FBXL13: variants seen among roughly 807,000 people sequenced by gnomAD.
FBXL13 encodes the protein F-box and leucine rich repeat protein 13.
In FBXL13, 67 loss-of-function variants were observed where a neutral mutation model predicts 83.6. That is an observed-to-expected ratio of 0.80 (90% confidence interval 0.66 to 0.98). FBXL13 has a LOEUF of 0.98. FBXL13 is among the 50% of genes least tolerant of loss of function. FBXL13 has a pLI of 0.00. For missense variants in FBXL13, 822 were observed against 866.5 expected (o/e 0.95, Z 0.64); for synonymous variants, 272 against 299.5 (o/e 0.91, Z 0.95).
intron 6 of FBXL13, among the ~76,000 whole-genome samples, chr7:103,022,238 C>G (rs947801323): frequency 1.3e-5 from 2 of 151,592 alleles, no homozygotes; most frequent in Non-Finnish European, 2.9e-5. Context: ...GGACAGAAAA[C>G]CAAACACCGC....
At chr7:102,892,749 T>C (rs1287690028) in intron 11 of FBXL13, among the ~76,000 whole-genome samples, 3 of 152,244 alleles carry the variant, frequency 2.0e-5, no homozygotes, top group Non-Finnish European at 4.4e-5. Flanking sequence ...AGGTAGTACA[T>C]ACTCAAAATG....
At chr7:103,066,396 C>CTT (rs769413596) in intron 1 of FBXL13, among the ~76,000 whole-genome samples, 1 of 143,616 alleles carries the variant, frequency 7.0e-6, no homozygotes, top group Non-Finnish European at 1.5e-5. Flanking sequence ...AATGTAATTT[C>CTT]TTTTTTTTTT....
At chr7:103,002,653 A>G (rs1038979783) in intron 6 of FBXL13, among the ~76,000 whole-genome samples, 2 of 152,176 alleles carry the variant, frequency 1.3e-5, no homozygotes, top group Non-Finnish European at 2.9e-5. Context: ...TCTCCTACAT[A>G]TTTGAAAGAA....
chr7:102,848,102 C>G (rs1043364295), intron 17 of FBXL13, among the ~76,000 whole-genome samples: 16 of 152,266 alleles, frequency 1.1e-4, no homozygotes, highest in African/African-American at 3.8e-4. Flanking sequence ...GCCAGTCCTT[C>G]TGGTGCATCC....
At chr7:102,868,559 C>T (rs1182110352) in intron 16 of FBXL13, among the ~76,000 whole-genome samples, 2 of 152,162 alleles carry the variant, frequency 1.3e-5, no homozygotes, top group East Asian at 1.9e-4. Flanking sequence ...ATCCATTCAT[C>T]CATTGATGGA....
intron 6 of FBXL13, among the ~76,000 whole-genome samples, chr7:103,022,386 G>A (rs191559967): frequency 2.0e-5 from 3 of 151,858 alleles, no homozygotes; most frequent in East Asian, 3.9e-4. Context: ...TGTAAATGAC[G>A]AGTTAATGCG....
At chr7:103,008,526 A>G (rs563600136) in intron 6 of FBXL13, among the ~76,000 whole-genome samples, 1 of 152,302 alleles carries the variant, frequency 6.6e-6, no homozygotes, top group South Asian at 2.1e-4. Context: ...ATTGCTAAAA[A>G]TGAAAAATGT....
At chr7:102,829,444 C>T (rs1036394891) in intron 18 of FBXL13, among the ~76,000 whole-genome samples, 1 of 152,182 alleles carries the variant, frequency 6.6e-6, no homozygotes. Context: ...AGGTGCATTG[C>T]AGAGACATTT....
At chr7:102,917,558 G>C (rs188227002) in intron 10 of FBXL13, among the ~76,000 whole-genome samples, 2 of 152,318 alleles carry the variant, frequency 1.3e-5, no homozygotes. Flanking sequence ...CCATGAGAAG[G>C]AGAAAGGCAC....
chr7:103,001,581 A>G (rs564210737), intron 6 of FBXL13, among the ~76,000 whole-genome samples: 3 of 152,322 alleles, frequency 2.0e-5, no homozygotes, highest in African/African-American at 4.8e-5. Flanking sequence ...CTCACCCTCA[A>G]TGTGGGTCAC....
At chr7:102,826,744 T>TC (rs1799735492) in intron 18 of FBXL13, among the ~76,000 whole-genome samples, 4 of 95,716 alleles carry the variant, frequency 4.2e-5, no homozygotes, top group African/African-American at 2.0e-4. Flanking sequence ...TATATATATA[T>TC]ATATATATAT....
chr7:102,944,954 C>G (rs957921030), intron 8 of FBXL13: 1 of 178,228 alleles, frequency 5.6e-6, no homozygotes, highest in African/African-American at 2.4e-5. Flanking sequence ...TGTTTACATG[C>G]CTTTCGATAG....
intron 2 of FBXL13, among the ~76,000 whole-genome samples, chr7:103,037,363 T>C (rs1360535607): frequency 1.3e-5 from 2 of 152,198 alleles, no homozygotes; most frequent in Non-Finnish European, 2.9e-5. Context: ...CTCCAGCCCC[T>C]AAGGGTCTTA....
chr7:103,018,813 C>T (rs970640204), intron 6 of FBXL13, among the ~76,000 whole-genome samples: 2 of 152,124 alleles, frequency 1.3e-5, no homozygotes, highest in African/African-American at 4.8e-5. Flanking sequence ...CAGGAGCACC[C>T]AGATTCATAA....
At chr7:102,968,154 T>A in intron 6 of FBXL13, 37 bp from the exon 8 acceptor site, 1 of 1,401,982 alleles carries the variant, frequency 7.1e-7, no homozygotes, top group South Asian at 1.2e-5. Context: ...TTGAAAAATG[T>A]GAACTTTGAT....
chr7:102,933,929 A>C, intron 8 of FBXL13: 1 of 1,608,754 alleles, frequency 6.2e-7, no homozygotes, highest in Non-Finnish European at 8.5e-7. Flanking sequence ...TGTGGTTACC[A>C]TTGTAATCTT....
At position 102,839,928 on chromosome 7, in the gene FBXL13, T is replaced by A. The variant is rs567660969; in HGVS notation, c.1720-6954A>T. Among the ~76,000 whole-genome samples the A allele has an allele frequency of 2.0e-5, 3 of 152,286 alleles. No individual in the cohort carries two copies. In the East Asian group the frequency reaches 5.8e-4, roughly 29 times the overall value. ...ATATTTTCTTGTCACACCAAAAAAA[T>A]TGTGTTGTTCATTTGCTGGAGTACA... On this transcript the variant is annotated intron_variant, in intron 17 of 19. Transcript: ENST00000313221.
intron 11 of FBXL13, among the ~76,000 whole-genome samples, chr7:102,912,672 C>CA (rs1491148463): frequency 1.9e-5 from 1 of 53,556 alleles, no homozygotes; most frequent in African/African-American, 1.1e-4. Flanking sequence ...TAGCATTTTA[C>CA]CCCCCCCCCC....
intron 8 of FBXL13, among the ~76,000 whole-genome samples, chr7:102,962,923 G>A (rs1403243035): frequency 6.8e-6 from 1 of 146,984 alleles, no homozygotes; most frequent in Non-Finnish European, 1.5e-5. Flanking sequence ...CATGGCACAT[G>A]TATGCATATG....
Sources: allele counts gnomAD v4.1 joint callset (sites outside exome capture counted in the v4.1 genomes callset), GRCh38; gene constraint gnomAD v4.1.1; transcripts MANE v1.5; gene names NCBI Gene and HGNC (gene_info 2026-07-23, HGNC 2026-07-21).